CLIP2: variants seen among roughly 807,000 people sequenced by gnomAD.
CLIP2 encodes the protein CAP-Gly domain containing linker protein 2.
In CLIP2, 41 loss-of-function variants were observed where a neutral mutation model predicts 111.7. The observed-to-expected ratio is 0.37, with a 90% CI of 0.29 to 0.48. CLIP2 has a LOEUF of 0.48. CLIP2 is among the 20% of genes least tolerant of loss of function. CLIP2 has a pLI of 0.99. For synonymous variants in CLIP2, 660 were observed against 644.2 expected, an observed-to-expected ratio of 1.02 and a Z score of -0.37; for missense variants, 1,160 against 1,422.1, an observed-to-expected ratio of 0.82 and a Z score of 2.96.
intron 10 of CLIP2, among the ~76,000 whole-genome samples, chr7:74,379,836 G>A (rs970100604): frequency 5.9e-5 from 9 of 151,406 alleles, no homozygotes; most frequent in African/African-American, 2.2e-4. Context: ...CCAGCTACTC[G>A]CTCGGGAGGC....
chr7:74,297,764 G>T (rs1158514217), intron 1 of CLIP2, among the ~76,000 whole-genome samples: 1 of 152,044 alleles, frequency 6.6e-6, no homozygotes, highest in African/African-American at 2.4e-5. Context: ...ACAAGGCACT[G>T]TAAGAATCCA....
At chr7:74,335,492 C>A (rs1789422850) in intron 2 of CLIP2, among the ~76,000 whole-genome samples, 1 of 118,770 alleles carries the variant, frequency 8.4e-6, no homozygotes, top group Admixed American at 9.0e-5. Context: ...CTGCACCTGG[C>A]TTATTTATTC....
chr7:74,302,099 A>G (rs960614488), intron 1 of CLIP2, among the ~76,000 whole-genome samples: 1 of 151,480 alleles, frequency 6.6e-6, no homozygotes, highest in Non-Finnish European at 1.5e-5. Flanking sequence ...GAGCATGCCA[A>G]CTCTGTGTGT....
rs782044698 is a variant in CLIP2 at position 74,376,716 on chromosome 7, C to T, written c.2315C>T (p.Ala772Val). The change falls in exon 10 of 17, where the codon GCA (alanine) becomes GTA (valine). Residue 772 changes from alanine (A) to valine (V), a missense_variant. Coordinates refer to ENST00000223398, the MANE Select transcript of CLIP2 (RefSeq NM_003388.5). This position sits in a 1 kb window ranked among gnomAD's most constrained non-coding sequence, Gnocchi z 7.1. Reference protein sequence around the residue: ...KMLDYERLQRAEAQGKQEVES... With the variant: ...KMLDYERLQRVEAQGKQEVES... ...TTGGACTACGAGCGGCTGCAGCGGGCAGAAGCCCAGGGCAAACAGGAGGTC... is the reference window on the plus strand; with the variant it reads ...TTGGACTACGAGCGGCTGCAGCGGGTAGAAGCCCAGGGCAAACAGGAGGTC... 9.3e-6 allele frequency: 15 copies of T among 1,613,080 alleles called. 1 individual carries two copies. The East Asian group carries it at 3.3e-4, about 36-fold the overall frequency.
chr7:74,380,987 G>T, intron 11 of CLIP2, 124 bp downstream of exon 11: 1 of 926,330 alleles, frequency 1.1e-6, no homozygotes. Context: ...CCTCCTGTGT[G>T]CTGTGAGCTA....
intron 1 of CLIP2, among the ~76,000 whole-genome samples, chr7:74,294,523 C>G (rs1490423540): frequency 6.6e-6 from 1 of 152,182 alleles, no homozygotes; most frequent in African/African-American, 2.4e-5. Flanking sequence ...CGATTCATTT[C>G]CCTCCTTTGC....
intron 3 of CLIP2, among the ~76,000 whole-genome samples, chr7:74,342,386 C>A (rs4717885): frequency 2.2e-4 from 32 of 148,328 alleles, no homozygotes; most frequent in East Asian, 4.1e-4. Flanking sequence ...AAAAAAAAAA[C>A]AAAAAAAAAG....
chr7:74,297,815 T>A (rs1345874638), intron 1 of CLIP2, among the ~76,000 whole-genome samples: 1 of 151,528 alleles, frequency 6.6e-6, no homozygotes, highest in Non-Finnish European at 1.5e-5. Flanking sequence ...GGAGGGCATT[T>A]TTTTCTTTTT....
At chr7:74,303,060 C>T (rs766007753) in intron 1 of CLIP2, among the ~76,000 whole-genome samples, 1 of 152,182 alleles carries the variant, frequency 6.6e-6, no homozygotes, top group Non-Finnish European at 1.5e-5. Flanking sequence ...GACAGCCGGG[C>T]ACCCTCCCAT....
Position 74,364,286 on chromosome 7 carries a change from G to A in CLIP2, c.1351G>A (p.Glu451Lys). 1.9e-6 allele frequency: 3 copies of A among 1,613,762 alleles called. No homozygotes were observed. The highest frequency in any genetic ancestry group is 2.5e-6 in the Non-Finnish European group (3 of 1,179,866). Residue 451 changes from glutamate (E) to lysine (K), a missense_variant, in exon 8 of 17, where the codon GAG becomes AAG. Physicochemically the swap from Glu to Lys is moderately conservative, Grantham distance 56. Coordinates refer to ENST00000223398, the MANE Select transcript of CLIP2 (RefSeq NM_003388.5). ...KVEDLQFRVE[E>K]ESITKGDLET... Reference sequence around the variant, plus strand: ...GGAGGATCTGCAGTTCCGCGTGGAGGAGGAGTCCATCACCAAGGGAGACCT... The same window carrying A: ...GGAGGATCTGCAGTTCCGCGTGGAGAAGGAGTCCATCACCAAGGGAGACCT...
At chr7:74,396,057 G>A (rs1326894079) in intron 13 of CLIP2, among the ~76,000 whole-genome samples, 1 of 152,192 alleles carries the variant, frequency 6.6e-6, no homozygotes, top group African/African-American at 2.4e-5. Flanking sequence ...CCCCTCTGTA[G>A]TAGTTGCAGG....
rs75133355 is a variant in CLIP2 at position 74,405,780 on chromosome 7, C to T, written c.*1932C>T. The T allele has an allele frequency of 8.5e-3, 1,306 of 152,752 alleles. 9 individuals carry two copies. Among genetic ancestry groups the T allele is most frequent in the Non-Finnish European group, 0.015 (1,019 of 68,064 alleles). The allele number at this position is 152,752 out of a possible 1,614,324, so 9.5% of individuals were successfully genotyped here. ...CGGTTTCCTTGGGAGCTTCTGCCTC[C>T]GTGGGCCTCTCAGCCCGCCCCGTGT... On this transcript the variant is annotated 3_prime_UTR_variant, in exon 17 of 17. Transcript: ENST00000223398.
intron 1 of CLIP2, among the ~76,000 whole-genome samples, chr7:74,290,507 G>C (rs28705090): frequency 0.16 from 24,848 of 152,254 alleles, 3,462 homozygotes; most frequent in African/African-American, 0.38. Context: ...ACTGGGCACT[G>C]CCACGCAGGC....
intron 2 of CLIP2, among the ~76,000 whole-genome samples, chr7:74,335,453 C>T (rs1466619600): frequency 6.6e-6 from 1 of 152,014 alleles, no homozygotes; most frequent in African/African-American, 2.4e-5. Context: ...TTTCAGCTTC[C>T]CGAGTAGCTG....
At chr7:74,291,725 C>A (rs1788024909) in intron 1 of CLIP2, among the ~76,000 whole-genome samples, 1 of 152,134 alleles carries the variant, frequency 6.6e-6, no homozygotes, top group Non-Finnish European at 1.5e-5. Flanking sequence ...TGCTGGTTAG[C>A]CCTGACCCGG....
chr7:74,310,623 T>A (rs893529502), intron 1 of CLIP2, among the ~76,000 whole-genome samples: 4 of 152,226 alleles, frequency 2.6e-5, no homozygotes, highest in South Asian at 2.1e-4. Flanking sequence ...TGAGTAAAGC[T>A]GGTATGAACA....
chr7:74,397,016 G>T, intron 13 of CLIP2, 58 bp from the exon 14 acceptor site: 1 of 1,584,742 alleles, frequency 6.3e-7, no homozygotes, highest in Non-Finnish European at 8.6e-7. Flanking sequence ...TTGCTAGAGT[G>T]TGGGAGCTGG....
At chr7:74,378,312 G>T (rs1156640535) in intron 10 of CLIP2, among the ~76,000 whole-genome samples, 1 of 151,100 alleles carries the variant, frequency 6.6e-6, no homozygotes, top group African/African-American at 2.4e-5. Context: ...AGTTTTTGTA[G>T]AGATGGGGTT....
intron 2 of CLIP2, among the ~76,000 whole-genome samples, chr7:74,323,951 A>G (rs1789041739): frequency 6.6e-6 from 1 of 152,224 alleles, no homozygotes; most frequent in East Asian, 1.9e-4. Flanking sequence ...GCATGACTGT[A>G]TTTCCTTCCA....
Sources: gnomAD v4.1 joint callset for allele counts (sites outside exome capture counted in the v4.1 genomes callset) on GRCh38, gnomAD v4.1.1 for gene constraint, Gnocchi (gnomAD v3.1) non-coding constraint, MANE v1.5 for transcripts, NCBI Gene and HGNC (gene_info 2026-07-23, HGNC 2026-07-21) for gene names.